The following PPIE variants were observed in gnomAD, a reference collection of about 807,000 sequenced individuals.
The protein encoded by PPIE is peptidyl-prolyl cis-trans isomerase E.
Under a neutral mutation model 38.4 loss-of-function variants are expected in PPIE, and 20 were observed. The ratio of observed to expected loss-of-function variants is 0.52; its 90% CI spans 0.37 to 0.76. The LOEUF (loss-of-function observed/expected upper bound fraction) is 0.76. Among genes scored for constraint, PPIE ranks in the 30% least tolerant of loss-of-function variants. The pLI, the probability that PPIE is intolerant of heterozygous loss-of-function variation, is 0.00. For synonymous variants in PPIE, 142 were observed against 135.7 expected, an observed-to-expected ratio of 1.05 and a Z score of -0.32; for missense variants, 322 against 385.8, an observed-to-expected ratio of 0.83 and a Z score of 1.39.
At chr1:39,759,946 C>T (rs372975399), downstream of PPIE, 40 of 175,250 alleles carry the variant, frequency 2.3e-4, no homozygotes, top group South Asian at 5.0e-3. Context: ...CCTTGCACCT[C>T]GGGCAGGCAA....
downstream of PPIE, chr1:39,760,371 C>T (rs746147686): frequency 2.5e-6 from 4 of 1,607,872 alleles, no homozygotes; most frequent in Non-Finnish European, 3.4e-6. Context: ...TTCTGAGGGG[C>T]CCGATCCAGA....
chr1:39,740,119 A>G (rs1647020833), intron 1 of PPIE, 46 bp from the exon 2 acceptor site: 1 of 1,499,008 alleles, frequency 6.7e-7, no homozygotes, highest in African/African-American at 1.4e-5. Context: ...GACTTCTGCA[A>G]GAGTATGGAG....
intron 8 of PPIE, among the ~76,000 whole-genome samples, chr1:39,752,583 CTGATTG>C (rs1292023691): frequency 6.6e-6 from 1 of 152,230 alleles, no homozygotes; most frequent in Non-Finnish European, 1.5e-5. Context: ...CTCTTTTCCA[CTGATTG>C]TGAGCTCCAC....
At chr1:39,740,790 A>G (rs1379701121) in intron 2 of PPIE, among the ~76,000 whole-genome samples, 2 of 152,270 alleles carry the variant, frequency 1.3e-5, no homozygotes, top group African/African-American at 2.4e-5. Context: ...TTTATCATCA[A>G]CCTTGCATAT....
intron 7 of PPIE, chr1:39,747,239 T>C (rs1647247955): frequency 6.6e-6 from 1 of 152,228 alleles, no homozygotes. Flanking sequence ...CTTTTGACTA[T>C]TGTAAATGCC....
Position 39,753,549 on chromosome 1 carries a change from G to T in PPIE, c.*194G>T. 7.1e-7 allele frequency: 1 copy of T among 1,399,646 alleles called. No individual in the cohort carries two copies. The highest frequency in any genetic ancestry group is 9.2e-7 in the Non-Finnish European group (1 of 1,082,822). The allele number at this position is 1,399,646 out of a possible 1,614,324, so 86.7% of individuals were successfully genotyped here. A position where few individuals can be genotyped will look rare whatever the true frequency, so the allele number is the denominator to read the frequency against. ...TGGACTATTCCCAGGCACAGCTGTGGGCCCAGGAGCCAGCTCAGGTGCTCC... is the reference window on the plus strand; with the variant it reads ...TGGACTATTCCCAGGCACAGCTGTGTGCCCAGGAGCCAGCTCAGGTGCTCC... On this transcript the variant is annotated 3_prime_UTR_variant, in exon 10 of 10. Transcript: ENST00000324379.
In PPIE at chr1:39,748,992, G is replaced by A; in HGVS notation, c.598G>A (p.Gly200Ser). 1 of 1,613,800 alleles carries A rather than the reference G, an allele frequency of 6.2e-7. No individual in the cohort carries two copies. Residue 200 changes from glycine to serine, a missense_variant, in exon 8 of 10, where the codon GGC becomes AGC. By Grantham distance (56) the Gly-to-Ser change is moderately conservative. Transcript: ENST00000324379. ...HRIIPQFMCQ[G>S]GDFTNHNGTG... ...CATCATCCCCCAGTTCATGTGCCAGGGCGGTGATTTCACAAACCACAATGG... is the reference window on the plus strand; with the variant it reads ...CATCATCCCCCAGTTCATGTGCCAGAGCGGTGATTTCACAAACCACAATGG...
In PPIE at chr1:39,756,357, A is replaced by AT; in HGVS notation, c.*3005dup. On this transcript the variant is annotated 3_prime_UTR_variant, in exon 10 of 10. Transcript: ENST00000324379. ...GCACAGGGCTTCCTTTTGCTGATTC[A>AT]TTTCCCCCCTAACTCATTCAGAGTT... 1 of 985,122 alleles carries AT rather than the reference A, an allele frequency of 1.0e-6. No individual in the cohort carries two copies. The allele number at this position is 985,122 out of a possible 1,614,324, so 61.0% of individuals were successfully genotyped here.
intron 7 of PPIE, 178 bp downstream of exon 7, chr1:39,745,676 C>A: frequency 3.4e-6 from 3 of 892,268 alleles, no homozygotes; most frequent in Non-Finnish European, 5.0e-6. Context: ...GTTTTTGAAG[C>A]TTTATAAGTG....
Position 39,754,041 on chromosome 1 carries a change from C to G in PPIE, c.*686C>G. On this transcript the variant is annotated 3_prime_UTR_variant, in exon 10 of 10. Coordinates refer to ENST00000324379, the MANE Select transcript of PPIE (RefSeq NM_006112.4). Reference sequence around the variant, plus strand: ...TTTAAAAAATGAAATTTTTATAACTCAAAGTGCCTTCTCTGTGCCAAGTAC... The same window carrying G: ...TTTAAAAAATGAAATTTTTATAACTGAAAGTGCCTTCTCTGTGCCAAGTAC... 1.0e-6 allele frequency: 1 copy of G among 985,432 alleles called. No homozygotes were observed. Among genetic ancestry groups the G allele is most frequent in the Non-Finnish European group, 1.2e-6 (1 of 829,914 alleles). 61.0% of individuals were successfully genotyped at this position (985,432 alleles called of 1,614,324 possible).
intron 8 of PPIE, among the ~76,000 whole-genome samples, chr1:39,751,170 A>T (rs1647689239): frequency 6.6e-6 from 1 of 152,258 alleles, no homozygotes; most frequent in Admixed American, 6.5e-5. Flanking sequence ...AGTTGATTAG[A>T]GTCCAAAGTA....
intron 7 of PPIE, chr1:39,748,399 G>C (rs547473302): frequency 6.5e-6 from 1 of 152,808 alleles, no homozygotes; most frequent in South Asian, 2.1e-4. Flanking sequence ...TTTTAAAAGG[G>C]AACAGAGCTC....
In PPIE at chr1:39,753,607, C is replaced by A. The variant is rs1302686980; in HGVS notation, c.*252C>A. ...CATGGGCAGGCTGTGCAAAAAGCCA[C>A]TGGCTTTTCTCAGCATTTGCTGCTG... On this transcript the variant is annotated 3_prime_UTR_variant, in exon 10 of 10. Transcript: ENST00000324379. The A allele has an allele frequency of 7.4e-7, 1 of 1,344,740 alleles. No homozygotes were observed. Among genetic ancestry groups the A allele is most frequent in the South Asian group, 2.0e-5 (1 of 50,454 alleles). 83.3% of individuals were successfully genotyped at this position (1,344,740 alleles called of 1,614,324 possible).
At chr1:39,760,928 G>A (rs555564252), downstream of PPIE, among the ~76,000 whole-genome samples, 6 of 152,184 alleles carry the variant, frequency 3.9e-5, no homozygotes, top group South Asian at 2.1e-4. Flanking sequence ...CCAAGGGGGA[G>A]CCTGGAAGGA....
chr1:39,762,660 G>A, intron 9 of PPIE: 7 of 1,534,160 alleles, frequency 4.6e-6, no homozygotes, highest in Non-Finnish European at 6.1e-6. Context: ...AGGTGGGTGA[G>A]TGCACACGCA....
chr1:39,745,541 T>G, intron 7 of PPIE, 43 bp downstream of exon 7: 1 of 1,612,736 alleles, frequency 6.2e-7, no homozygotes, highest in Non-Finnish European at 8.5e-7. Context: ...CGCTGGTGGC[T>G]GAGCAGTGAG....
chr1:39,742,023 C>T, intron 4 of PPIE, 102 bp downstream of exon 4: 2 of 1,246,858 alleles, frequency 1.6e-6, no homozygotes, highest in Non-Finnish European at 2.3e-6. Context: ...TACAAGGTTG[C>T]ATGGGGAGGT....
At chr1:39,751,296 A>G (rs1260309946) in intron 8 of PPIE, among the ~76,000 whole-genome samples, 1 of 152,252 alleles carries the variant, frequency 6.6e-6, no homozygotes, top group Non-Finnish European at 1.5e-5. Flanking sequence ...TTAGGTGCAG[A>G]TAACTGTAAA....
At chr1:39,760,332 G>C, downstream of PPIE, 2 of 1,574,464 alleles carry the variant, frequency 1.3e-6, no homozygotes, top group Non-Finnish European at 1.7e-6. Context: ...CCCCGGCCTG[G>C]GGTCTGGCTG....
Sources: gnomAD v4.1 joint callset for allele counts (sites outside exome capture counted in the v4.1 genomes callset) on GRCh38, gnomAD v4.1.1 for gene constraint, MANE v1.5 for transcripts, NCBI Gene and HGNC (gene_info 2026-07-23, HGNC 2026-07-21) for gene names.